HIPK2: variants seen among roughly 807,000 people sequenced by gnomAD.
HIPK2 encodes homeodomain-interacting protein kinase 2.
HIPK2 carries 27 observed loss-of-function variants against 113.7 expected under a neutral mutation model. The observed-to-expected ratio is 0.24, with a 90% CI of 0.17 to 0.33. HIPK2 has a LOEUF of 0.33. Ranked by LOEUF, HIPK2 falls within the 10% of genes least tolerant of loss-of-function variation. The pLI is 1.00. For missense variants in HIPK2, 1,257 were observed against 1,588.0 expected (o/e 0.79, Z 3.54); for synonymous variants, 631 against 642.2 (o/e 0.98, Z 0.26).
chr7:139,595,737 T>C (rs1799185200), intron 12 of HIPK2, among the ~76,000 whole-genome samples: 1 of 152,222 alleles, frequency 6.6e-6, no homozygotes, highest in Admixed American at 6.5e-5. Context: ...CATCAGTCTA[T>C]CTATACATTT....
At chr7:139,650,455 A>C (rs2116463125) in intron 2 of HIPK2, among the ~76,000 whole-genome samples, 1 of 149,722 alleles carries the variant, frequency 6.7e-6, no homozygotes, top group Admixed American at 6.7e-5. Context: ...CATATATTTT[A>C]TTCCCTTCGG....
rs1013312752 is a variant in HIPK2 at position 139,561,816 on chromosome 7, T to C, written c.*11111A>G. ...TACAATTAAAATAACTATATTCTTC[T>C]ATATTTTTTCTGTTAAAATCATCTC... is the stretch of plus-strand genomic sequence containing the variant. On this transcript the variant is annotated 3_prime_UTR_variant, in exon 15 of 15. Transcript: ENST00000406875. 1 of 151,068 alleles carries C rather than the reference T, an allele frequency of 6.6e-6. No homozygotes were observed. Among genetic ancestry groups the C allele is most frequent in the African/African-American group, 2.4e-5 (1 of 41,262 alleles). 9.4% of individuals were successfully genotyped at this position (151,068 alleles called of 1,614,324 possible).
At chr7:139,632,371 C>T (rs187450130) in intron 2 of HIPK2, among the ~76,000 whole-genome samples, 417 of 152,316 alleles carry the variant, frequency 2.7e-3, no homozygotes, top group Admixed American at 6.3e-3. Flanking sequence ...CCCAAAATAA[C>T]GGGATTAAGT....
chr7:139,695,187 C>T (rs1159358360), intron 2 of HIPK2, among the ~76,000 whole-genome samples: 2 of 152,222 alleles, frequency 1.3e-5, no homozygotes, highest in African/African-American at 2.4e-5. Flanking sequence ...TATTAATATT[C>T]ATACTGTCTC....
chr7:139,701,185 T>C (rs1182760757), intron 2 of HIPK2, among the ~76,000 whole-genome samples: 1 of 152,144 alleles, frequency 6.6e-6, no homozygotes, highest in Non-Finnish European at 1.5e-5. Flanking sequence ...TTTCTCCTCT[T>C]TGTGCCCAGT....
chr7:139,714,169 C>T lies in HIPK2; in HGVS notation c.1103+1763G>A, dbSNP rs1050956802. Among the ~76,000 whole-genome samples, 2 of 152,104 alleles carry T rather than the reference C, an allele frequency of 1.3e-5. No homozygotes were observed. Among genetic ancestry groups the T allele is most frequent in the Non-Finnish European group, 1.5e-5 (1 of 68,036 alleles). ...GCACAGGCCTGTGGAGACCTTTCTG[C>T]GCATAGGAAATGAGCGGGAAAGGAA... On this transcript the variant is annotated intron_variant, in intron 2 of 14. Transcript: ENST00000406875. The surrounding 1 kb of genome is among the most constrained non-coding windows in gnomAD (Gnocchi z 4.2).
intron 2 of HIPK2, among the ~76,000 whole-genome samples, chr7:139,703,873 AC>A (rs1269448162): frequency 8.0e-6 from 1 of 125,076 alleles, no homozygotes; most frequent in East Asian, 2.5e-4. Flanking sequence ...CACACCCAAC[AC>A]CACCACACAC....
chr7:139,638,892 C>T (rs1054672005), intron 2 of HIPK2, among the ~76,000 whole-genome samples: 3 of 152,242 alleles, frequency 2.0e-5, no homozygotes, highest in East Asian at 1.9e-4. Context: ...CTCCTGACCT[C>T]GTGATCCGCC....
At position 139,572,898 on chromosome 7, in the gene HIPK2, T is replaced by TTCCCA; in HGVS notation, c.*28_*29insTGGGA. ...CTCCTCCCTCGGGCCATTCTCTCCC[T>TTCCCA]CCCTCCCTCCCTCCCTCCCCTCCAG... On this transcript the variant is annotated 3_prime_UTR_variant, in exon 15 of 15. Transcript: ENST00000406875. 1 of 407,280 alleles carries TTCCCA rather than the reference T, an allele frequency of 2.5e-6. No homozygotes were observed. The allele number at this position is 407,280 out of a possible 1,614,324, so 25.2% of individuals were successfully genotyped here. A position where few individuals can be genotyped will look rare whatever the true frequency, so the allele number is the denominator to read the frequency against.
intron 13 of HIPK2, among the ~76,000 whole-genome samples, chr7:139,582,396 T>C (rs1026958231): frequency 6.6e-6 from 1 of 152,216 alleles, no homozygotes; most frequent in Non-Finnish European, 1.5e-5. Context: ...TGCGTGCTGC[T>C]TGTGTGTCTT....
rs537904896 is a variant in HIPK2, at chr7:139,601,566, T to C, written c.2256-970A>G. 4.6e-4 allele frequency among the ~76,000 whole-genome samples: 70 copies of C among 152,328 alleles called. 1 individual carries two copies. The highest frequency in any genetic ancestry group is 1.4e-3 in the African/African-American group (57 of 41,566). On this transcript the variant is annotated intron_variant, in intron 10 of 14. Coordinates refer to ENST00000406875, the MANE Select transcript of HIPK2 (RefSeq NM_022740.5). ...AATGAATAATTAGATTAACTGAAGGTTGACTAGACAAGTATAAAGTTGGTA... is the reference window on the plus strand; with the variant it reads ...AATGAATAATTAGATTAACTGAAGGCTGACTAGACAAGTATAAAGTTGGTA...
intron 5 of HIPK2, among the ~76,000 whole-genome samples, chr7:139,628,672 C>T (rs1800510297): frequency 6.6e-6 from 1 of 152,148 alleles, no homozygotes; most frequent in Non-Finnish European, 1.5e-5. Context: ...GACCTAAGGT[C>T]ATCCACTCGC....
chr7:139,762,767 G>A (rs1446811828), intron 1 of HIPK2, among the ~76,000 whole-genome samples: 6 of 152,228 alleles, frequency 3.9e-5, no homozygotes, highest in African/African-American at 1.2e-4. Flanking sequence ...GTGCGTGATG[G>A]TAACGGGGTA....
At chr7:139,736,998 T>C (rs774419891) in intron 1 of HIPK2, among the ~76,000 whole-genome samples, 4 of 152,192 alleles carry the variant, frequency 2.6e-5, no homozygotes, top group Non-Finnish European at 5.9e-5. Context: ...TCTTGCACCA[T>C]ACGGCTCTCA....
At chr7:139,596,686 T>G in intron 12 of HIPK2, 31 bp downstream of exon 12, 1 of 1,601,748 alleles carries the variant, frequency 6.2e-7, no homozygotes, top group Non-Finnish European at 8.5e-7. Flanking sequence ...TCCCGGCTCC[T>G]TCCTGGAAGG....
rs4074826 is a variant in HIPK2 at position 139,716,144 on chromosome 7, G to A, written c.891C>T (p.Pro297=). 0.15 allele frequency: 247,715 copies of A among 1,613,906 alleles called. 19,691 individuals carry two copies. The highest frequency in any genetic ancestry group is 0.17 in the Admixed American group (10,381 of 60,014). ...FLKQNKFSPL[P]LKYIRPVLQQ... ...GGAGAACTGGGCGAATGTATTTGAG[G>A]GGCAAGGGGCTAAACTTGTTTTGCT... The change falls in exon 2 of 15, where the codon CCC becomes CCT. Residue 297 remains proline, a synonymous_variant. Coordinates refer to ENST00000406875, the MANE Select transcript of HIPK2 (RefSeq NM_022740.5). The surrounding 1 kb of genome is among the most constrained non-coding windows in gnomAD (Gnocchi z 9.3).
chr7:139,578,403 C>T (rs1232596506), intron 13 of HIPK2, among the ~76,000 whole-genome samples: 1 of 152,168 alleles, frequency 6.6e-6, no homozygotes, highest in Admixed American at 6.5e-5. Context: ...GCCTCAGCCT[C>T]CCAAAGTGTT....
chr7:139,600,709 T>A, intron 10 of HIPK2, 113 bp from the exon 11 acceptor site: 2 of 1,206,996 alleles, frequency 1.7e-6, no homozygotes, highest in Non-Finnish European at 2.3e-6. Flanking sequence ...GTTATCTCAC[T>A]AGCTGTGCAG....
intron 1 of HIPK2, among the ~76,000 whole-genome samples, chr7:139,747,694 G>A (rs1164043314): frequency 6.6e-6 from 1 of 152,190 alleles, no homozygotes; most frequent in Non-Finnish European, 1.5e-5. Flanking sequence ...CCAAGCCAGG[G>A]TGACCCATCA....
Sources: allele counts gnomAD v4.1 joint callset (sites outside exome capture counted in the v4.1 genomes callset), GRCh38; gene constraint gnomAD v4.1.1; non-coding constraint Gnocchi (gnomAD v3.1); transcripts MANE v1.5; gene names NCBI Gene and HGNC (gene_info 2026-07-23, HGNC 2026-07-21).